IDE: variants seen among roughly 807,000 people sequenced by gnomAD.
The protein encoded by IDE is insulin-degrading enzyme.
In IDE, 58 loss-of-function variants were observed where a neutral mutation model predicts 133.2. The observed-to-expected ratio is 0.44, with a 90% CI of 0.35 to 0.54. The LOEUF (loss-of-function observed/expected upper bound fraction) is 0.54. Among genes scored for constraint, IDE ranks in the 20% least tolerant of loss-of-function variants. The pLI is 0.00. For synonymous variants in IDE, 396 were observed against 421.3 expected (o/e 0.94, Z 0.73); for missense variants, 981 against 1,234.0 (o/e 0.79, Z 3.07).
chr10:92,562,910 C>A (rs1346409262), intron 1 of IDE, among the ~76,000 whole-genome samples: 1 of 152,034 alleles, frequency 6.6e-6, no homozygotes, highest in Non-Finnish European at 1.5e-5. Context: ...GAGGCCAAGG[C>A]GGGTGGATCA....
intron 15 of IDE, among the ~76,000 whole-genome samples, chr10:92,477,327 A>G (rs949783218): frequency 2.4e-4 from 37 of 151,906 alleles, no homozygotes; most frequent in Middle Eastern, 3.4e-3. Context: ...AATTTTTTGT[A>G]TTTTTTGTAG....
intron 1 of IDE, among the ~76,000 whole-genome samples, chr10:92,538,971 G>A (rs879365360): frequency 1.3e-5 from 2 of 152,056 alleles, no homozygotes; most frequent in African/African-American, 2.4e-5. Flanking sequence ...AGATTTAAAC[G>A]TAAGTAAGAG....
In IDE at chr10:92,454,367, G is replaced by C; in HGVS notation, c.*77C>G. 1 of 966,558 alleles carries C rather than the reference G, an allele frequency of 1.0e-6. No individual in the cohort carries two copies. The highest frequency in any genetic ancestry group is 1.3e-5 in the South Asian group (1 of 75,090). The allele number at this position is 966,558 out of a possible 1,614,324, so 59.9% of individuals were successfully genotyped here. Reference sequence around the variant, plus strand: ...TAATAGTGAATCAGAAACTATTAAAGTGGCCAAGATGATTTTCTTAGGCTC... The same window carrying C: ...TAATAGTGAATCAGAAACTATTAAACTGGCCAAGATGATTTTCTTAGGCTC... On this transcript the variant is annotated 3_prime_UTR_variant, in exon 25 of 25. Coordinates refer to ENST00000265986, the MANE Select transcript of IDE (RefSeq NM_004969.4).
chr10:92,464,563 C>T (rs987094063), intron 20 of IDE, among the ~76,000 whole-genome samples: 1 of 152,212 alleles, frequency 6.6e-6, no homozygotes, highest in African/African-American at 2.4e-5. Context: ...CAAAACCAAG[C>T]TCTTGGCTTA....
chr10:92,535,582 GATGAC>G (rs1841956255), intron 2 of IDE, among the ~76,000 whole-genome samples: 1 of 152,188 alleles, frequency 6.6e-6, no homozygotes, highest in South Asian at 2.1e-4. Flanking sequence ...GTACAAATTA[GATGAC>G]ATATGCAAAT....
At chr10:92,484,592 G>C (rs888491423) in intron 13 of IDE, among the ~76,000 whole-genome samples, 1 of 151,942 alleles carries the variant, frequency 6.6e-6, no homozygotes, top group Non-Finnish European at 1.5e-5. Context: ...AATTAGTTGG[G>C]CATGGTGGCA....
chr10:92,524,501 TTATATAA>T lies in IDE; in HGVS notation c.661+7240_661+7246del, dbSNP rs1177324612. ...AATATATATTATATTATAATATATT[TTATATAA>T]TATATAATATATATTATATTATAAT... is the stretch of plus-strand genomic sequence containing the variant. On this transcript the variant is annotated intron_variant, in intron 4 of 24. Transcript: ENST00000265986. Among the ~76,000 whole-genome samples, 4 of 83,150 alleles carry T rather than the reference TTATATAA, an allele frequency of 4.8e-5. 1 individual carries two copies. Among genetic ancestry groups the T allele is most frequent in the African/African-American group, 1.0e-4 (2 of 19,880 alleles). 54.5% of individuals were successfully genotyped at this position (83,150 alleles called of 152,430 possible). A position where few individuals can be genotyped will look rare whatever the true frequency, so the allele number is the denominator to read the frequency against.
intron 17 of IDE, among the ~76,000 whole-genome samples, chr10:92,473,857 C>T (rs1846111677): frequency 6.6e-6 from 1 of 151,982 alleles, no homozygotes; most frequent in Non-Finnish European, 1.5e-5. Flanking sequence ...TGGTATACAC[C>T]TGTAATCCCA....
chr10:92,484,917 G>A (rs778075275), intron 13 of IDE, among the ~76,000 whole-genome samples: 2 of 151,830 alleles, frequency 1.3e-5, no homozygotes, highest in Non-Finnish European at 1.5e-5. Flanking sequence ...TTAGCTGGGC[G>A]TGGTGGTGGG....
At chr10:92,476,173 AT>A (rs1242595647) in intron 15 of IDE, among the ~76,000 whole-genome samples, 179 bp from the exon 16 acceptor site, 4 of 151,436 alleles carry the variant, frequency 2.6e-5, no homozygotes, top group Non-Finnish European at 5.9e-5. Context: ...AACATTAACC[AT>A]CTTTTTTTTT....
At chr10:92,505,629 G>A (rs895158901) in intron 10 of IDE, among the ~76,000 whole-genome samples, 1 of 152,138 alleles carries the variant, frequency 6.6e-6, no homozygotes, top group Non-Finnish European at 1.5e-5. Context: ...GAGATGCTAT[G>A]AAAACAATAA....
chr10:92,506,324 G>A (rs1345338865), intron 10 of IDE, 118 bp downstream of exon 10: 2 of 470,938 alleles, frequency 4.2e-6, no homozygotes, highest in East Asian at 3.2e-5. Flanking sequence ...TTGCTACAAA[G>A]TTGAAAGCTT....
chr10:92,514,866 C>T, intron 5 of IDE, 54 bp downstream of exon 5: 1 of 1,480,456 alleles, frequency 6.8e-7, no homozygotes. Flanking sequence ...GTGAAAAAGC[C>T]AACATTAAAA....
chr10:92,478,242 T>C (rs2135405203), intron 15 of IDE, among the ~76,000 whole-genome samples: 1 of 152,354 alleles, frequency 6.6e-6, no homozygotes, highest in South Asian at 2.1e-4. Flanking sequence ...CAGATGTATC[T>C]GAACATAGAA....
At chr10:92,486,177 T>TC (rs1200894942) in intron 13 of IDE, among the ~76,000 whole-genome samples, 4 of 151,952 alleles carry the variant, frequency 2.6e-5, no homozygotes, top group African/African-American at 9.7e-5. Context: ...GGTGAAACCC[T>TC]GTCTCTACTA....
chr10:92,501,337 G>C (rs1434513825), intron 11 of IDE, among the ~76,000 whole-genome samples: 1 of 127,466 alleles, frequency 7.8e-6, no homozygotes, highest in Non-Finnish European at 1.6e-5. Context: ...ACTCCAGCCC[G>C]GGCAACAGAG....
At chr10:92,533,753 G>A (rs1478881538) in intron 3 of IDE, among the ~76,000 whole-genome samples, 1 of 149,642 alleles carries the variant, frequency 6.7e-6, no homozygotes, top group Admixed American at 6.7e-5. Flanking sequence ...GCTGGGCGCA[G>A]TGGCTCATGC....
intron 1 of IDE, among the ~76,000 whole-genome samples, chr10:92,543,599 G>A (rs1165840532): frequency 6.6e-6 from 1 of 152,152 alleles, no homozygotes; most frequent in Non-Finnish European, 1.5e-5. Flanking sequence ...CTATGTCCTG[G>A]CCCTCTGGAA....
chr10:92,488,646 G>A (rs1314242318), intron 12 of IDE, among the ~76,000 whole-genome samples: 9 of 151,910 alleles, frequency 5.9e-5, no homozygotes, highest in Admixed American at 5.3e-4. Context: ...GTATGGTGGT[G>A]TGCACCTGTA....
Sources: allele counts gnomAD v4.1 joint callset (sites outside exome capture counted in the v4.1 genomes callset), GRCh38; gene constraint gnomAD v4.1.1; transcripts MANE v1.5; gene names NCBI Gene and HGNC (gene_info 2026-07-23, HGNC 2026-07-21).